The following ZBTB7C variants were observed in gnomAD, a reference collection of about 807,000 sequenced individuals.
ZBTB7C encodes zinc finger and BTB domain-containing protein 7C.
ZBTB7C carries 8 observed loss-of-function variants against 25.7 expected under a neutral mutation model. The ratio of observed to expected loss-of-function variants is 0.31; its 90% CI spans 0.18 to 0.56. The LOEUF (loss-of-function observed/expected upper bound fraction) is 0.56, where lower values mean the gene tolerates loss of function less well. ZBTB7C is among the 20% of genes least tolerant of loss of function. The pLI is 0.91. For missense variants in ZBTB7C, 824 were observed against 855.2 expected (o/e 0.96, Z 0.46); for synonymous variants, 394 against 369.0 (o/e 1.07, Z -0.78).
At chr18:48,216,778 C>T (rs892694578) in intron 2 of ZBTB7C, among the ~76,000 whole-genome samples, 1 of 152,154 alleles carries the variant, frequency 6.6e-6, no homozygotes, top group Non-Finnish European at 1.5e-5. Context: ...CTATGGCCCC[C>T]ACAGCCACTA....
intron 2 of ZBTB7C, among the ~76,000 whole-genome samples, chr18:48,262,099 T>C (rs563504484): frequency 3.3e-5 from 5 of 152,170 alleles, no homozygotes; most frequent in African/African-American, 7.2e-5. Context: ...AGCATGAACA[T>C]GGAAAAGAAT....
At chr18:48,160,660 AAC>A (rs1156472600) in intron 3 of ZBTB7C, among the ~76,000 whole-genome samples, 1 of 152,210 alleles carries the variant, frequency 6.6e-6, no homozygotes, top group East Asian at 1.9e-4. Flanking sequence ...GCTTGTAGAA[AAC>A]ACAAGCTCAG....
chr18:48,031,465 A>G (rs905602113), intron 4 of ZBTB7C, among the ~76,000 whole-genome samples: 4 of 151,538 alleles, frequency 2.6e-5, no homozygotes, highest in African/African-American at 9.7e-5. Context: ...GTGATATCCC[A>G]CCCCCTACCA....
chr18:48,113,588 A>T (rs2144678938), intron 3 of ZBTB7C, among the ~76,000 whole-genome samples: 2 of 152,176 alleles, frequency 1.3e-5, no homozygotes, highest in Admixed American at 1.3e-4. Flanking sequence ...TTTTCATTCC[A>T]CTCCAAGTCC....
At chr18:48,085,221 C>T (rs915919027) in intron 3 of ZBTB7C, among the ~76,000 whole-genome samples, 2 of 152,020 alleles carry the variant, frequency 1.3e-5, no homozygotes, top group African/African-American at 2.4e-5. Flanking sequence ...AGGCTCTGTC[C>T]TGAGAGCAGG....
chr18:48,270,923 G>T (rs1428735904), intron 2 of ZBTB7C, among the ~76,000 whole-genome samples: 1 of 151,950 alleles, frequency 6.6e-6, no homozygotes, highest in South Asian at 2.1e-4. Flanking sequence ...GGATTTAAAT[G>T]GAAATTTCAT....
intron 3 of ZBTB7C, among the ~76,000 whole-genome samples, chr18:48,145,582 C>T (rs543900731): frequency 2.0e-5 from 3 of 152,302 alleles, no homozygotes; most frequent in Non-Finnish European, 2.9e-5. Flanking sequence ...TAACTTGTCC[C>T]ATCTGTCAAA....
chr18:48,249,344 A>T (rs1313754877), intron 2 of ZBTB7C, among the ~76,000 whole-genome samples: 7 of 152,234 alleles, frequency 4.6e-5, no homozygotes, highest in African/African-American at 1.7e-4. Flanking sequence ...TAAAAGCCCC[A>T]AACTGAAAAC....
chr18:48,139,994 C>T (rs866763595), intron 3 of ZBTB7C, among the ~76,000 whole-genome samples: 4 of 152,188 alleles, frequency 2.6e-5, no homozygotes, highest in African/African-American at 7.2e-5. Context: ...AGCCAGAGCA[C>T]GTGGAAGCCC....
intron 2 of ZBTB7C, among the ~76,000 whole-genome samples, chr18:48,305,806 T>C (rs554356725): frequency 1.3e-5 from 2 of 152,294 alleles, no homozygotes; most frequent in East Asian, 3.9e-4. Flanking sequence ...TCAAGTCACT[T>C]GCCCAGAGGC....
intron 1 of ZBTB7C, among the ~76,000 whole-genome samples, chr18:48,381,490 CAA>C (rs1217369630): frequency 6.6e-6 from 1 of 152,098 alleles, no homozygotes; most frequent in Non-Finnish European, 1.5e-5. Flanking sequence ...CTAGGGAAAA[CAA>C]AGAGTAATTC....
intron 3 of ZBTB7C, among the ~76,000 whole-genome samples, chr18:48,154,342 G>A (rs1007538414): frequency 3.9e-5 from 6 of 152,216 alleles, no homozygotes; most frequent in Non-Finnish European, 8.8e-5. Flanking sequence ...CGGGGGAGGA[G>A]TGCTCTGCAG....
At chr18:48,258,323 T>C (rs1472313124) in intron 2 of ZBTB7C, among the ~76,000 whole-genome samples, 12 of 152,120 alleles carry the variant, frequency 7.9e-5, no homozygotes. Flanking sequence ...ATGTACAAAA[T>C]ACAATGAAAT....
intron 2 of ZBTB7C, among the ~76,000 whole-genome samples, chr18:48,311,977 A>T (rs1027007805): frequency 2.0e-5 from 3 of 152,172 alleles, no homozygotes; most frequent in African/African-American, 7.2e-5. Context: ...TTGACCTGCC[A>T]CCTGCTTATC....
chr18:48,161,687 G>T (rs916733078), intron 3 of ZBTB7C, among the ~76,000 whole-genome samples: 4 of 150,712 alleles, frequency 2.7e-5, no homozygotes, highest in Non-Finnish European at 4.4e-5. Flanking sequence ...GCGTTCACTC[G>T]GCTGCCCGGC....
intron 1 of ZBTB7C, among the ~76,000 whole-genome samples, chr18:48,340,471 T>G (rs1470956917): frequency 6.6e-6 from 1 of 152,184 alleles, no homozygotes; most frequent in South Asian, 2.1e-4. Context: ...AGGCTGTCCA[T>G]GGATCCTTGT....
chr18:48,279,366 G>C (rs770379012), intron 2 of ZBTB7C, among the ~76,000 whole-genome samples: 1 of 152,154 alleles, frequency 6.6e-6, no homozygotes, highest in African/African-American at 2.4e-5. Context: ...CAAAAAAAAG[G>C]GGAGGCAAAA....
At chr18:48,178,318 G>C (rs535003103) in intron 3 of ZBTB7C, among the ~76,000 whole-genome samples, 62 of 152,276 alleles carry the variant, frequency 4.1e-4, no homozygotes, top group African/African-American at 1.4e-3. Context: ...TCTCAGGGAG[G>C]GCATCTCAGG....
intron 1 of ZBTB7C, among the ~76,000 whole-genome samples, chr18:48,394,873 T>C (rs2047984150): frequency 6.6e-6 from 1 of 152,212 alleles, no homozygotes; most frequent in Non-Finnish European, 1.5e-5. Flanking sequence ...GAAGATGTTA[T>C]AATGTGTGCT....
Sources: gnomAD v4.1 joint callset for allele counts (sites outside exome capture counted in the v4.1 genomes callset) on GRCh38, gnomAD v4.1.1 for gene constraint, MANE v1.5 for transcripts, NCBI Gene and HGNC (gene_info 2026-07-23, HGNC 2026-07-21) for gene names.